The following ESYT3 variants were observed in gnomAD, a reference collection of about 807,000 sequenced individuals.
ESYT3 encodes extended synaptotagmin 3.
Under a neutral mutation model 111.5 loss-of-function variants are expected in ESYT3, and 101 were observed. The ratio of observed to expected loss-of-function variants is 0.91; its 90% CI spans 0.77 to 1.07. The LOEUF (loss-of-function observed/expected upper bound fraction) is 1.07, where lower values mean the gene tolerates loss of function less well. Ranked by LOEUF, ESYT3 falls within the 50% of genes least tolerant of loss-of-function variation. The probability of loss-of-function intolerance (pLI) is 0.00; values close to 1 mark genes in which losing one functional copy is unlikely to be tolerated. For synonymous variants in ESYT3, 416 were observed against 446.8 expected (o/e 0.93, Z 0.87); for missense variants, 1,097 against 1,109.4 (o/e 0.99, Z 0.16).
Position 138,470,868 on chromosome 3 carries a change from A to G in ESYT3, c.1591-9A>G. ...TATCCTCTTGTTTTGTGACTGGACC[A>G]CTGCCCAGGTGCTTGATGATGACCA... On this transcript the variant is annotated splice_polypyrimidine_tract_variant and intron_variant, in intron 16 of 22. Transcript: ENST00000389567. 1 of 1,614,088 alleles carries G rather than the reference A, an allele frequency of 6.2e-7. No individual in the cohort carries two copies. The highest frequency in any genetic ancestry group is 8.5e-7 in the Non-Finnish European group (1 of 1,179,978).
chr3:138,469,592 T>C, intron 15 of ESYT3, 88 bp downstream of exon 15: 1 of 1,034,684 alleles, frequency 9.7e-7, no homozygotes, highest in African/African-American at 1.6e-5. Flanking sequence ...GGGAATTAAC[T>C]TATGGTGAAT....
chr3:138,470,828 G>A (rs749898108), intron 16 of ESYT3, 49 bp from the exon 17 acceptor site: 1 of 1,612,002 alleles, frequency 6.2e-7, no homozygotes, highest in South Asian at 1.1e-5. Flanking sequence ...TAGTAGTGGA[G>A]TGGTGGGGCT....
intron 1 of ESYT3, among the ~76,000 whole-genome samples, chr3:138,437,443 T>C (rs2030797603): frequency 6.6e-6 from 1 of 152,158 alleles, no homozygotes; most frequent in African/African-American, 2.4e-5. Context: ...ACTGGGCCAC[T>C]GGTGCGGCAC....
At chr3:138,451,404 A>G (rs1230462773) in intron 1 of ESYT3, among the ~76,000 whole-genome samples, 2 of 152,174 alleles carry the variant, frequency 1.3e-5, no homozygotes, top group Non-Finnish European at 2.9e-5. Flanking sequence ...AGTACTTATC[A>G]CTGGGTGGTA....
chr3:138,443,664 T>C (rs971817067), intron 1 of ESYT3, among the ~76,000 whole-genome samples: 2 of 152,124 alleles, frequency 1.3e-5, no homozygotes, highest in African/African-American at 4.8e-5. Context: ...TGCACATGCG[T>C]GTGAGTCTGC....
chr3:138,444,012 A>G (rs1371539155), intron 1 of ESYT3, among the ~76,000 whole-genome samples: 2 of 152,134 alleles, frequency 1.3e-5, no homozygotes, highest in African/African-American at 4.8e-5. Context: ...CATTTTTCCT[A>G]GAGGGCTTAA....
Position 138,435,826 on chromosome 3 carries a change from T to G in ESYT3, c.327+701T>G, listed in dbSNP as rs2030634277. 6.6e-6 allele frequency among the ~76,000 whole-genome samples: 1 copy of G among 152,210 alleles called. No homozygotes were observed. The highest frequency in any genetic ancestry group is 1.5e-5 in the Non-Finnish European group (1 of 68,026). On this transcript the variant is annotated intron_variant, in intron 1 of 22. Coordinates refer to ENST00000389567, the MANE Select transcript of ESYT3 (RefSeq NM_031913.5). The surrounding 1 kb of genome is among the most constrained non-coding windows in gnomAD (Gnocchi z 4.8). The stretch of plus-strand genomic sequence containing the variant: ...ACAAAACCCAAGTTCTGGGCCCCAT[T>G]GCATAACTCCCAGGGTGGCACAGAG...
intron 2 of ESYT3, 33 bp from the exon 3 acceptor site, chr3:138,455,161 C>T: frequency 1.9e-6 from 3 of 1,613,088 alleles, no homozygotes; most frequent in East Asian, 2.2e-5. Context: ...GGGTACAGAC[C>T]TGACTACCAA....
intron 1 of ESYT3, among the ~76,000 whole-genome samples, chr3:138,447,490 C>G (rs988266732): frequency 2.0e-5 from 3 of 152,036 alleles, no homozygotes; most frequent in African/African-American, 7.2e-5. Flanking sequence ...TTTATTGTGT[C>G]AAAAACTAGA....
chr3:138,439,302 G>T (rs957162185), intron 1 of ESYT3, among the ~76,000 whole-genome samples: 1 of 152,168 alleles, frequency 6.6e-6, no homozygotes, highest in African/African-American at 2.4e-5. Context: ...CCAGCATCTG[G>T]ATGACTGTCA....
chr3:138,472,828 T>C lies in ESYT3; in HGVS notation c.2206T>C (p.Phe736Leu), dbSNP rs745593832. Residue 736 changes from phenylalanine to leucine, a missense_variant, in exon 18 of 23, where the codon TTT becomes CTT. Transcript: ENST00000389567. The part of the protein sequence containing the change: ...SSLNSLASSC[F>L]DLADISLNIE... ...GCTCAACTCCTTGGCCTCTTCTTGC[T>C]TTGACCTGGCAGATATCAGCCTCAA... 2 of 1,614,038 alleles carry C rather than the reference T, an allele frequency of 1.2e-6. No individual in the cohort carries two copies. The highest frequency in any genetic ancestry group is 4.5e-5 in the East Asian group (2 of 44,902).
intron 17 of ESYT3, 63 bp downstream of exon 17, chr3:138,471,089 A>G: frequency 7.2e-7 from 1 of 1,396,634 alleles, no homozygotes; most frequent in East Asian, 2.3e-5. Flanking sequence ...AGCAAGGTGT[A>G]CTGCCCCAGC....
chr3:138,453,107 T>C (rs1297442580), intron 2 of ESYT3, among the ~76,000 whole-genome samples: 2 of 151,988 alleles, frequency 1.3e-5, no homozygotes, highest in Admixed American at 1.3e-4. Context: ...CTGGGTAAAT[T>C]TGGAAGAAGC....
chr3:138,470,077 G>C lies in ESYT3; in HGVS notation c.1521G>C (p.Lys507Asn). The C allele has an allele frequency of 6.2e-7, 1 of 1,612,886 alleles. No homozygotes were observed. Among genetic ancestry groups the C allele is most frequent in the Non-Finnish European group, 8.5e-7 (1 of 1,179,270 alleles). The change falls in exon 16 of 23, where the codon AAG (lysine) becomes AAC (asparagine). Residue 507 changes from lysine (K) to asparagine (N), a missense_variant. By Grantham distance (94) the Lys-to-Asn change is moderately conservative. Transcript: ENST00000389567. ...GTTCCCAGACCTGTCCCCACAACAA[G>C]GACCCTGTGTGGAGCCAGGTGTTCT... ...THTSKTCPHN[K>N]DPVWSQVFSF... is the part of the protein sequence containing the mutation.
At chr3:138,464,128 G>A (rs867142275) in intron 8 of ESYT3, among the ~76,000 whole-genome samples, 1 of 152,246 alleles carries the variant, frequency 6.6e-6, no homozygotes, top group Admixed American at 6.5e-5. Context: ...GTGGAGGCCA[G>A]GGCTGTGGGC....
Position 138,477,511 on chromosome 3 carries a change from T to C in ESYT3, c.*657T>C, listed in dbSNP as rs906217627. 2.0e-5 allele frequency: 3 copies of C among 152,290 alleles called. No individual in the cohort carries two copies. The highest frequency in any genetic ancestry group is 4.4e-5 in the Non-Finnish European group (3 of 68,092). The allele number at this position is 152,290 out of a possible 1,614,324, so 9.4% of individuals were successfully genotyped here. On this transcript the variant is annotated 3_prime_UTR_variant, in exon 23 of 23. Coordinates refer to ENST00000389567, the MANE Select transcript of ESYT3 (RefSeq NM_031913.5). ...TTAAATACCTTGAGTTAAATACTCTTGTGTAGTCTAAGGGCCAAACTCCAG... is the reference window on the plus strand; with the variant it reads ...TTAAATACCTTGAGTTAAATACTCTCGTGTAGTCTAAGGGCCAAACTCCAG...
At chr3:138,441,644 A>G (rs1546758) in intron 1 of ESYT3, among the ~76,000 whole-genome samples, 2 of 151,566 alleles carry the variant, frequency 1.3e-5, no homozygotes, top group African/African-American at 4.9e-5. Context: ...CCCTCCCACT[A>G]CTCCCAGCAG....
In ESYT3 at chr3:138,462,449, T is replaced by G. The variant is rs73864579; in HGVS notation, c.915+243T>G. The G allele has an allele frequency of 2.0e-3, 1,167 of 571,864 alleles. 15 individuals carry two copies. The highest frequency in any genetic ancestry group is 0.019 in the African/African-American group (1,015 of 53,914). 35.4% of individuals were successfully genotyped at this position (571,864 alleles called of 1,614,324 possible). The stretch of plus-strand genomic sequence containing the variant: ...ACTTACTTGGAATATTTCCTCTGTT[T>G]GTGACAACTGACCATGAATATTTAC... On this transcript the variant is annotated intron_variant, in intron 8 of 22. Transcript: ENST00000389567.
rs1484998494 is a variant in ESYT3, at chr3:138,460,479, C to G, written c.739-132C>G. 3 of 967,538 alleles carry G rather than the reference C, an allele frequency of 3.1e-6. No individual in the cohort carries two copies. In the Admixed American group the frequency reaches 5.5e-5, roughly 18 times the overall value. 59.9% of individuals were successfully genotyped at this position (967,538 alleles called of 1,614,324 possible). Reference sequence around the variant, plus strand: ...GACACCCTGGCAGAGGGTGCTCTGCCTGCTTTCCTCCGAACCCCCACCCTG... The same window carrying G: ...GACACCCTGGCAGAGGGTGCTCTGCGTGCTTTCCTCCGAACCCCCACCCTG... On this transcript the variant is annotated intron_variant, in intron 6 of 22. Coordinates refer to ENST00000389567, the MANE Select transcript of ESYT3 (RefSeq NM_031913.5).
Sources: gnomAD v4.1 joint callset for allele counts (sites outside exome capture counted in the v4.1 genomes callset) on GRCh38, gnomAD v4.1.1 for gene constraint, Gnocchi (gnomAD v3.1) non-coding constraint, MANE v1.5 for transcripts, NCBI Gene and HGNC (gene_info 2026-07-23, HGNC 2026-07-21) for gene names.